The following VWA8 variants were observed in gnomAD, a reference collection of about 807,000 sequenced individuals.
VWA8 encodes von Willebrand factor A domain-containing protein 8.
A neutral mutation model predicts 241.5 loss-of-function variants in VWA8; 221 were observed. That is an observed-to-expected ratio of 0.91 (90% CI 0.82 to 1.02). VWA8 has a LOEUF of 1.02. VWA8 is among the 50% of genes least tolerant of loss of function. The pLI is 0.00. For synonymous variants in VWA8, 852 were observed against 827.1 expected (o/e 1.03, Z -0.52); for missense variants, 2,322 against 2,328.7 (o/e 1.00, Z 0.06).
chr13:41,676,971 T>G (rs2045064984), intron 35 of VWA8, among the ~76,000 whole-genome samples: 1 of 152,188 alleles, frequency 6.6e-6, no homozygotes. Context: ...AAAAATCTTC[T>G]TTCAAAAATG....
intron 9 of VWA8, 77 bp downstream of exon 9, chr13:41,883,310 G>A (rs1874351908): frequency 8.9e-7 from 1 of 1,121,326 alleles, no homozygotes; most frequent in Non-Finnish European, 1.3e-6. Flanking sequence ...GTGGGGAAAG[G>A]AGTGAGGGGA....
chr13:41,568,024 C>G lies in VWA8; in HGVS notation c.*173G>C. On this transcript the variant is annotated 3_prime_UTR_variant, in exon 45 of 45. Coordinates refer to ENST00000379310, the MANE Select transcript of VWA8 (RefSeq NM_015058.2). ...TATCTTTCCATGTTTAAGTCTCCTT[C>G]TGGCTGCTTCTCTGAATTCTCATTA... 1 of 597,986 alleles carries G rather than the reference C, an allele frequency of 1.7e-6. No individual in the cohort carries two copies. Among genetic ancestry groups the G allele is most frequent in the South Asian group, 2.2e-5 (1 of 45,810 alleles). The allele number at this position is 597,986 out of a possible 1,614,324, so 37.0% of individuals were successfully genotyped here.
At chr13:41,767,897 T>A (rs1408714360) in intron 20 of VWA8, among the ~76,000 whole-genome samples, 2 of 152,176 alleles carry the variant, frequency 1.3e-5, no homozygotes, top group African/African-American at 4.8e-5. Context: ...CAAAAATCAA[T>A]GTGTCTGCAG....
At chr13:41,681,950 C>T (rs1401588989) in intron 35 of VWA8, among the ~76,000 whole-genome samples, 2 of 152,130 alleles carry the variant, frequency 1.3e-5, no homozygotes, top group East Asian at 3.9e-4. Flanking sequence ...ATGTAATGGA[C>T]AAACCACGCT....
chr13:41,719,627 A>G lies in VWA8; in HGVS notation c.3080T>C (p.Ile1027Thr), dbSNP rs2045369558. 6.2e-7 allele frequency: 1 copy of G among 1,613,156 alleles called. No homozygotes were observed. Among genetic ancestry groups the G allele is most frequent in the East Asian group, 2.2e-5 (1 of 44,836 alleles). The change falls in exon 26 of 45, where the codon ATC becomes ACC. Residue 1027 changes from isoleucine (I) to threonine (T), a missense_variant. Ile to Thr is a moderately conservative substitution (Grantham distance 89). Coordinates refer to ENST00000379310, the MANE Select transcript of VWA8 (RefSeq NM_015058.2). Reference sequence around the variant, plus strand: ...CTGCACACTGGTAGGCTTTGCTCCGATAGGTATCCCGTATTTGTGTAAAGT... The same window carrying G: ...CTGCACACTGGTAGGCTTTGCTCCGGTAGGTATCCCGTATTTGTGTAAAGT... Reference protein sequence around the residue: ...INTLHKYGIPIGAKPTSVQLA... With the variant: ...INTLHKYGIPTGAKPTSVQLA...
In VWA8 at chr13:41,783,647, A is replaced by AG. The variant is rs572747370; in HGVS notation, c.2277+147_2277+148insC. On this transcript the variant is annotated intron_variant, in intron 19 of 44. Coordinates refer to ENST00000379310, the MANE Select transcript of VWA8 (RefSeq NM_015058.2). ...AGTGAGACTGCATCACAGAAAAAAA[A>AG]AAAAAAAAGATGTTCAACACTTCAT... 589 of 602,208 alleles carry AG rather than the reference A, an allele frequency of 9.8e-4. 17 individuals carry two copies. In the South Asian group the frequency reaches 0.013, roughly 13 times the overall value. The allele number at this position is 602,208 out of a possible 1,614,324, so 37.3% of individuals were successfully genotyped here. A position where few individuals can be genotyped will look rare whatever the true frequency, so the allele number is the denominator to read the frequency against.
At chr13:41,630,113 T>G (rs1421190421) in intron 37 of VWA8, among the ~76,000 whole-genome samples, 1 of 152,286 alleles carries the variant, frequency 6.6e-6, no homozygotes, top group East Asian at 1.9e-4. Flanking sequence ...GCAGAGGTAG[T>G]GGGTTGGGAG....
intron 5 of VWA8, among the ~76,000 whole-genome samples, chr13:41,888,989 T>C (rs1874687404): frequency 6.6e-6 from 1 of 152,206 alleles, no homozygotes; most frequent in South Asian, 2.1e-4. Flanking sequence ...ATTTCTCTTT[T>C]TCATTTACTC....
At chr13:41,813,745 A>C (rs1002845939) in intron 16 of VWA8, among the ~76,000 whole-genome samples, 5 of 152,220 alleles carry the variant, frequency 3.3e-5, no homozygotes, top group Admixed American at 3.3e-4. Context: ...CTTTGTGTTG[A>C]GCCATTTAAG....
intron 12 of VWA8, among the ~76,000 whole-genome samples, chr13:41,852,713 C>T (rs1046353536): frequency 7.2e-5 from 11 of 152,106 alleles, no homozygotes; most frequent in Admixed American, 5.9e-4. Context: ...ATTGAAAAGA[C>T]TATCCTTTCC....
intron 37 of VWA8, among the ~76,000 whole-genome samples, chr13:41,620,406 T>G (rs560004166): frequency 3.3e-5 from 5 of 151,924 alleles, no homozygotes; most frequent in Admixed American, 2.6e-4. Flanking sequence ...TCTGTTGATC[T>G]TTTCAAAAAA....
intron 37 of VWA8, among the ~76,000 whole-genome samples, chr13:41,649,488 GATA>G (rs919123391): frequency 6.6e-6 from 1 of 152,016 alleles, no homozygotes; most frequent in East Asian, 1.9e-4. Flanking sequence ...TAGTCAGGCA[GATA>G]ATAATATTAT....
intron 14 of VWA8, among the ~76,000 whole-genome samples, chr13:41,823,018 T>G (rs546688788): frequency 1.3e-5 from 2 of 152,180 alleles, no homozygotes; most frequent in African/African-American, 2.4e-5. Flanking sequence ...CATAAAAATG[T>G]TCAGAAAAAA....
intron 37 of VWA8, among the ~76,000 whole-genome samples, chr13:41,621,542 T>C (rs1027715237): frequency 6.6e-6 from 1 of 152,232 alleles, no homozygotes; most frequent in African/African-American, 2.4e-5. Context: ...GTGTGTATTC[T>C]GGTACACTAT....
At chr13:41,585,562 T>C (rs945464279) in intron 42 of VWA8, among the ~76,000 whole-genome samples, 2 of 152,148 alleles carry the variant, frequency 1.3e-5, no homozygotes, top group African/African-American at 2.4e-5. Flanking sequence ...ATGGTCTACA[T>C]TGGGTTAAAA....
chr13:41,960,962 G>C lies in VWA8; in HGVS notation c.54C>G (p.Ala18=). ...GCAGGAGCAGCCGCATGCGCCGCGA[G>C]GCCGGGCCGCCGTGGCCTCCGGGTG... The part of the protein sequence containing the change: ...LGAPGGHGGP[A]SRRMRLLLRQ... The change falls in exon 1 of 45, where the codon GCC becomes GCG. Residue 18 remains alanine (A), a synonymous_variant. Transcript: ENST00000379310. 1 of 1,448,998 alleles carries C rather than the reference G, an allele frequency of 6.9e-7. No individual in the cohort carries two copies. Among genetic ancestry groups the C allele is most frequent in the Non-Finnish European group, 9.0e-7 (1 of 1,109,844 alleles). The allele number at this position is 1,448,998 out of a possible 1,614,324, so 89.8% of individuals were successfully genotyped here. A position where few individuals can be genotyped will look rare whatever the true frequency, so the allele number is the denominator to read the frequency against.
intron 2 of VWA8, among the ~76,000 whole-genome samples, chr13:41,919,133 G>A (rs1876393819): frequency 6.6e-6 from 1 of 152,144 alleles, no homozygotes; most frequent in African/African-American, 2.4e-5. Context: ...CAAAGGAGTA[G>A]GAGAAATCCT....
intron 1 of VWA8, among the ~76,000 whole-genome samples, chr13:41,952,936 A>G (rs1286877759): frequency 6.6e-6 from 1 of 152,074 alleles, no homozygotes; most frequent in African/African-American, 2.4e-5. Flanking sequence ...CCTAGGCCTG[A>G]AGGGGCAAGG....
intron 9 of VWA8, among the ~76,000 whole-genome samples, chr13:41,872,035 T>A (rs1873652134): frequency 6.6e-6 from 1 of 152,242 alleles, no homozygotes; most frequent in African/African-American, 2.4e-5. Context: ...GTGGTTTTGA[T>A]CTGCATTTCT....
Sources: allele counts gnomAD v4.1 joint callset (sites outside exome capture counted in the v4.1 genomes callset), GRCh38; gene constraint gnomAD v4.1.1; transcripts MANE v1.5; gene names NCBI Gene and HGNC (gene_info 2026-07-23, HGNC 2026-07-21).